SRP68: variants seen among roughly 807,000 people sequenced by gnomAD.
SRP68 encodes the protein signal recognition particle subunit SRP68.
SRP68 carries 15 observed loss-of-function variants against 82.2 expected under a neutral mutation model. The observed-to-expected ratio is 0.18, with a 90% confidence interval of 0.12 to 0.28. The LOEUF (loss-of-function observed/expected upper bound fraction) is 0.28, where lower values mean the gene tolerates loss of function less well. Among genes scored for constraint, SRP68 ranks in the 10% least tolerant of loss-of-function variants. The pLI is 1.00. For missense variants in SRP68, 595 were observed against 780.5 expected, an observed-to-expected ratio of 0.76 and a Z score of 2.83; for synonymous variants, 261 against 292.6, an observed-to-expected ratio of 0.89 and a Z score of 1.10.
chr17:76,060,717 A>C (rs1269271721), intron 6 of SRP68: 2 of 347,726 alleles, frequency 5.8e-6, no homozygotes, highest in African/African-American at 4.2e-5. Context: ...CAATTGTAAC[A>C]AATGCACCCC....
At chr17:76,041,904 T>C (rs1490062657) in intron 13 of SRP68, among the ~76,000 whole-genome samples, 2 of 151,928 alleles carry the variant, frequency 1.3e-5, no homozygotes, top group Non-Finnish European at 2.9e-5. Context: ...TTTTTTTTTC[T>C]TTTTTTGAGA....
chr17:76,046,228 T>G (rs1456679382), intron 10 of SRP68, 34 bp from the exon 11 acceptor site: 2 of 1,610,304 alleles, frequency 1.2e-6, no homozygotes, highest in Admixed American at 3.3e-5. Flanking sequence ...CAAGTTATAC[T>G]CAGAGAAGCG....
Position 76,043,884 on chromosome 17 carries a change from A to G in SRP68, c.1469T>C (p.Leu490Pro). The G allele has an allele frequency of 6.2e-7, 1 of 1,611,938 alleles. No homozygotes were observed. Reference protein sequence around the residue: ...SEALVLYDRVLKYANEVNSDA... With the variant: ...SEALVLYDRVPKYANEVNSDA... ...AGAATTTACTTCATTTGCATATTTC[A>G]GGACTCTGTCATACAGGACAAGGGC... is the stretch of plus-strand genomic sequence containing the variant. Residue 490 changes from leucine (L) to proline (P), a missense_variant, in exon 13 of 16, where the codon CTG becomes CCG. Around this residue, in one of 2 missense-constraint regions of SRP68, gnomAD observed 495 missense variants for 688.6 expected, o/e 0.72. Coordinates refer to ENST00000307877, the MANE Select transcript of SRP68 (RefSeq NM_014230.4).
chr17:76,055,590 C>A (rs957742741), intron 8 of SRP68, among the ~76,000 whole-genome samples: 7 of 151,424 alleles, frequency 4.6e-5, no homozygotes, highest in African/African-American at 1.7e-4. Flanking sequence ...CCCGTCTCTA[C>A]TAAAAATAAA....
At chr17:76,069,156 G>C (rs2066829652) in intron 2 of SRP68, among the ~76,000 whole-genome samples, 2 of 152,144 alleles carry the variant, frequency 1.3e-5, no homozygotes, top group South Asian at 4.1e-4. Flanking sequence ...GGGAGGCTGA[G>C]GCAGGCAGAT....
At chr17:76,062,794 G>A (rs71382194) in intron 4 of SRP68, among the ~76,000 whole-genome samples, 181 of 100,508 alleles carry the variant, frequency 1.8e-3, no homozygotes, top group Non-Finnish European at 2.4e-3. Flanking sequence ...TTTTTGAGAT[G>A]GAGTCTTGCT....
intron 10 of SRP68, 74 bp from the exon 11 acceptor site, chr17:76,046,268 G>A (rs2066629896): frequency 2.4e-5 from 37 of 1,564,434 alleles, no homozygotes; most frequent in Non-Finnish European, 3.2e-5. Context: ...ACTACAAGTT[G>A]GGGCTGACCC....
chr17:76,066,462 A>AG (rs1357201605), intron 3 of SRP68, among the ~76,000 whole-genome samples: 1 of 117,784 alleles, frequency 8.5e-6, no homozygotes, highest in East Asian at 2.3e-4. Context: ...AAAAAAAAAA[A>AG]AACACACCAC....
Position 76,039,151 on chromosome 17 carries a change from G to A in SRP68, c.*555C>T, listed in dbSNP as rs1200424053. 6.0e-6 allele frequency: 2 copies of A among 333,316 alleles called. No homozygotes were observed. Among genetic ancestry groups the A allele is most frequent in the Non-Finnish European group, 1.2e-5 (2 of 165,602 alleles). The allele number at this position is 333,316 out of a possible 1,614,324, so 20.6% of individuals were successfully genotyped here. On this transcript the variant is annotated 3_prime_UTR_variant, in exon 16 of 16. Transcript: ENST00000307877. ...TATAAGATTTGGTTTCATCATTTCT[G>A]AGTGTAACATATTTCTTCTAAAAAT...
chr17:76,069,303 G>A (rs1171360784), intron 2 of SRP68, among the ~76,000 whole-genome samples: 2 of 151,716 alleles, frequency 1.3e-5, no homozygotes, highest in Admixed American at 1.3e-4. Context: ...CAGGAGAACT[G>A]CTTGAACCCG....
chr17:76,061,397 T>C (rs2066751269), intron 5 of SRP68, 95 bp downstream of exon 5: 1 of 1,170,766 alleles, frequency 8.5e-7, no homozygotes, highest in South Asian at 1.3e-5. Context: ...AAAGTCACCC[T>C]CACTTTCACA....
In SRP68 at chr17:76,040,855, T is replaced by G. The variant is rs773611021; in HGVS notation, c.1600+48A>C. 73 of 1,542,746 alleles carry G rather than the reference T, an allele frequency of 4.7e-5. 1 individual carries two copies. The highest frequency in any genetic ancestry group is 6.4e-5 in the Non-Finnish European group (71 of 1,117,374). On this transcript the variant is annotated intron_variant, in intron 14 of 15. Coordinates refer to ENST00000307877, the MANE Select transcript of SRP68 (RefSeq NM_014230.4). ...TATGGGGTGTGACAGAGAAGGGGAG[T>G]GGCAGGAAGGGAAGTCTGGGGATAC...
At position 76,069,548 on chromosome 17, in the gene SRP68, C is replaced by G. The variant is rs543484278; in HGVS notation, c.251+830G>C. 2.0e-5 allele frequency among the ~76,000 whole-genome samples: 3 copies of G among 149,708 alleles called. No homozygotes were observed. The East Asian group carries it at 6.0e-4, about 30-fold the overall frequency. ...TGGCCAACATGGTGAAATCTTGTCT[C>G]TACTAAAAATTAGCCGGGCATGGTG... On this transcript the variant is annotated intron_variant, in intron 2 of 15. Coordinates refer to ENST00000307877, the MANE Select transcript of SRP68 (RefSeq NM_014230.4).
chr17:76,057,295 A>T, intron 8 of SRP68, 108 bp downstream of exon 8: 1 of 1,365,866 alleles, frequency 7.3e-7, no homozygotes, highest in Non-Finnish European at 1.0e-6. Flanking sequence ...AACAGCATTA[A>T]AAGTTTGTTT....
rs1316464297 is a variant in SRP68, at chr17:76,062,742, T to A, written c.562-1168A>T. The stretch of plus-strand genomic sequence containing the variant: ...ATTATATTTATTTTATATATATATA[T>A]ATATATATATATATATATATATAAA... On this transcript the variant is annotated intron_variant, in intron 4 of 15. Coordinates refer to ENST00000307877, the MANE Select transcript of SRP68 (RefSeq NM_014230.4). Among the ~76,000 whole-genome samples the A allele has an allele frequency of 1.1e-4, 3 of 28,208 alleles. 1 individual carries two copies. The highest frequency in any genetic ancestry group is 2.0e-4 in the African/African-American group (1 of 5,068). The allele number at this position is 28,208 out of a possible 152,430, so 18.5% of individuals were successfully genotyped here. A position where few individuals can be genotyped will look rare whatever the true frequency, so the allele number is the denominator to read the frequency against.
chr17:76,058,497 T>G (rs2066728247), intron 7 of SRP68, among the ~76,000 whole-genome samples: 1 of 152,042 alleles, frequency 6.6e-6, no homozygotes, highest in Non-Finnish European at 1.5e-5. Flanking sequence ...GGGCTCGAGT[T>G]ATCCTTTCAC....
intron 3 of SRP68, among the ~76,000 whole-genome samples, chr17:76,066,830 T>C (rs2144528739): frequency 6.6e-6 from 1 of 151,784 alleles, no homozygotes; most frequent in South Asian, 2.1e-4. Context: ...CGGGTTCAAG[T>C]AATTCTTGTG....
intron 3 of SRP68, among the ~76,000 whole-genome samples, chr17:76,065,875 A>G (rs1478855758): frequency 6.6e-6 from 1 of 151,626 alleles, no homozygotes; most frequent in Non-Finnish European, 1.5e-5. Flanking sequence ...ATGAAAGTCA[A>G]TGAGGTTCAA....
rs1567935229 is a variant in SRP68, at chr17:76,062,738, TA to T, written c.562-1165del. ...ATATATTATATTTATTTTATATATATATATATATATATATATATATATATAT... is the reference window on the plus strand; with the variant it reads ...ATATATTATATTTATTTTATATATATTATATATATATATATATATATATAT... On this transcript the variant is annotated intron_variant, in intron 4 of 15. Transcript: ENST00000307877. Among the ~76,000 whole-genome samples the T allele has an allele frequency of 5.1e-3, 110 of 21,714 alleles. 33 individuals carry two copies. The highest frequency in any genetic ancestry group is 7.2e-3 in the African/African-American group (19 of 2,626). 14.2% of individuals were successfully genotyped at this position (21,714 alleles called of 152,430 possible).
Sources: gnomAD v4.1 joint callset for allele counts (sites outside exome capture counted in the v4.1 genomes callset) on GRCh38, gnomAD v4.1.1 for gene constraint, gnomAD v4.1.1 regional missense constraint, MANE v1.5 for transcripts, NCBI Gene and HGNC (gene_info 2026-07-23, HGNC 2026-07-21) for gene names.